TLN2: variants seen among roughly 807,000 people sequenced by gnomAD.
TLN2 encodes the protein talin-2.
A neutral mutation model predicts 294.7 loss-of-function variants in TLN2; 118 were observed. The observed-to-expected ratio is 0.40, with a 90% CI of 0.34 to 0.47. The LOEUF (loss-of-function observed/expected upper bound fraction) is 0.47, where lower values mean the gene tolerates loss of function less well. TLN2 is among the 20% of genes least tolerant of loss of function. TLN2 has a pLI of 0.84. For missense variants in TLN2, 3,083 were observed against 3,282.2 expected (o/e 0.94, Z 1.48); for synonymous variants, 1,431 against 1,304.5 (o/e 1.10, Z -2.09).
In TLN2 at chr15:62,842,703, G is replaced by A. The variant is rs1498129; in HGVS notation, c.*2093G>A. On this transcript the variant is annotated 3_prime_UTR_variant, in exon 59 of 59. Transcript: ENST00000636159. ...CTTTACTGCATTTGATACCAGAAAA[G>A]CCTCCAGAGACAAACCAAATGCAAA... 0.33 allele frequency: 50,302 copies of A among 152,014 alleles called. 11,085 individuals carry two copies. The highest frequency in any genetic ancestry group is 0.62 in the African/African-American group (25,853 of 41,442). The allele number at this position is 152,014 out of a possible 1,614,324, so 9.4% of individuals were successfully genotyped here.
At chr15:62,770,927 A>T (rs767225792) in intron 41 of TLN2, 37 bp from the exon 42 acceptor site, 2 of 1,582,398 alleles carry the variant, frequency 1.3e-6, no homozygotes, top group South Asian at 1.1e-5. Context: ...GTGTATTTAC[A>T]TGATACATCT....
At chr15:62,435,985 G>A (rs199671018) in intron 1 of TLN2, among the ~76,000 whole-genome samples, 1 of 152,104 alleles carries the variant, frequency 6.6e-6, no homozygotes, top group East Asian at 1.9e-4. Context: ...TTTGGATTTT[G>A]TATCATGCTC....
chr15:62,778,647 T>A (rs1405107242), intron 43 of TLN2, among the ~76,000 whole-genome samples: 1 of 152,218 alleles, frequency 6.6e-6, no homozygotes, highest in Non-Finnish European at 1.5e-5. Context: ...CTGCCATTAG[T>A]GGTATAGCCT....
intron 52 of TLN2, 49 bp from the exon 53 acceptor site, chr15:62,819,467 C>T (rs1174686835): frequency 1.3e-6 from 2 of 1,481,892 alleles, no homozygotes; most frequent in Non-Finnish European, 1.9e-6. Flanking sequence ...CTTTCCTGTC[C>T]CAGTGGTTAC....
chr15:62,457,444 A>G (rs2140332594), intron 1 of TLN2, among the ~76,000 whole-genome samples: 1 of 152,330 alleles, frequency 6.6e-6, no homozygotes, highest in Admixed American at 6.5e-5. Context: ...GACATGATTG[A>G]GTTCATAGCA....
At chr15:62,502,092 A>G (rs1174956676) in intron 1 of TLN2, among the ~76,000 whole-genome samples, 2 of 152,216 alleles carry the variant, frequency 1.3e-5, no homozygotes, top group African/African-American at 4.8e-5. Context: ...CTTTAAGAAT[A>G]TGCCTGTGTA....
chr15:62,724,476 A>G (rs974176295), intron 26 of TLN2, among the ~76,000 whole-genome samples: 2 of 152,230 alleles, frequency 1.3e-5, no homozygotes, highest in African/African-American at 4.8e-5. Flanking sequence ...ATAAATTACT[A>G]AGGGAAAAAT....
intron 1 of TLN2, among the ~76,000 whole-genome samples, chr15:62,535,184 C>A (rs2041265650): frequency 6.6e-6 from 1 of 152,196 alleles, no homozygotes. Flanking sequence ...TGCTGTTATT[C>A]TTCCTACTGT....
intron 1 of TLN2, among the ~76,000 whole-genome samples, chr15:62,399,713 G>A (rs1309857910): frequency 6.6e-6 from 1 of 152,200 alleles, no homozygotes; most frequent in Non-Finnish European, 1.5e-5. Context: ...GGGGCCTGGA[G>A]CCCCTTTATT....
At chr15:62,723,014 C>T (rs1464871073) in intron 26 of TLN2, among the ~76,000 whole-genome samples, 2 of 152,344 alleles carry the variant, frequency 1.3e-5, no homozygotes, top group Admixed American at 1.3e-4. Context: ...GAGTTGAGGA[C>T]TAAATTTCTG....
At chr15:62,611,554 C>T (rs1259809905) in intron 2 of TLN2, among the ~76,000 whole-genome samples, 1 of 152,194 alleles carries the variant, frequency 6.6e-6, no homozygotes, top group African/African-American at 2.4e-5. Context: ...AAGTGGTTGC[C>T]CAGCCTCTCT....
chr15:62,816,695 A>G (rs537896428), intron 52 of TLN2, among the ~76,000 whole-genome samples: 1 of 152,308 alleles, frequency 6.6e-6, no homozygotes, highest in South Asian at 2.1e-4. Context: ...GTCTTTTGCC[A>G]TTAATTATGA....
At chr15:62,677,936 C>T (rs577754830) in intron 11 of TLN2, among the ~76,000 whole-genome samples, 80 of 151,218 alleles carry the variant, frequency 5.3e-4, no homozygotes, top group Admixed American at 4.4e-3. Flanking sequence ...GCTAGGGTTA[C>T]AGGCATGCAC....
intron 9 of TLN2, among the ~76,000 whole-genome samples, chr15:62,673,605 C>A (rs773663706): frequency 7.8e-6 from 1 of 128,516 alleles, no homozygotes; most frequent in Non-Finnish European, 1.7e-5. Context: ...CCTGGAATTT[C>A]TTTTTTCTTT....
At position 62,673,310 on chromosome 15, in the gene TLN2, CTT is replaced by C. The variant is rs56258541; in HGVS notation, c.789-500_789-499del. ...GTTTGCTTTAGATTTTTAGATGTTGCTTTTTTTTTTTTTTTTTTGCAATTTCA... is the reference window on the plus strand; with the variant it reads ...GTTTGCTTTAGATTTTTAGATGTTGCTTTTTTTTTTTTTTTTGCAATTTCA... On this transcript the variant is annotated intron_variant, in intron 9 of 58. Coordinates refer to ENST00000636159, the MANE Select transcript of TLN2 (RefSeq NM_015059.3). 6.9e-3 allele frequency among the ~76,000 whole-genome samples: 294 copies of C among 42,910 alleles called. 10 individuals are homozygous for C. The highest frequency in any genetic ancestry group is 0.012 in the Admixed American group (24 of 2,076). The allele number at this position is 42,910 out of a possible 152,430, so 28.2% of individuals were successfully genotyped here. A position where few individuals can be genotyped will look rare whatever the true frequency, so the allele number is the denominator to read the frequency against.
chr15:62,786,306 A>C (rs956157469), intron 45 of TLN2, among the ~76,000 whole-genome samples: 2 of 152,238 alleles, frequency 1.3e-5, no homozygotes, highest in African/African-American at 2.4e-5. Flanking sequence ...GCAGTCCGCT[A>C]TGCAAGGTCA....
rs577774949 is a variant in TLN2 at position 62,490,381 on chromosome 15, C to T, written c.-237-99306C>T. Among the ~76,000 whole-genome samples the T allele has an allele frequency of 2.4e-4, 36 of 152,242 alleles. 1 individual carries two copies. Among genetic ancestry groups the T allele is most frequent in the South Asian group, 1.0e-3 (5 of 4,820 alleles). ...TTATCTCTATGTGACTTGGGATACA[C>T]GTTTGTCTCTATCCTCAGAGGAATT... is the stretch of plus-strand genomic sequence containing the variant. On this transcript the variant is annotated intron_variant, in intron 1 of 58. Transcript: ENST00000636159.
intron 1 of TLN2, among the ~76,000 whole-genome samples, chr15:62,509,371 G>A (rs991334127): frequency 6.6e-6 from 1 of 152,156 alleles, no homozygotes; most frequent in Non-Finnish European, 1.5e-5. Context: ...AGCATTTGTT[G>A]CGAGTGATTC....
At chr15:62,839,223 GC>G (rs2070279383) in intron 58 of TLN2, among the ~76,000 whole-genome samples, 2 of 152,172 alleles carry the variant, frequency 1.3e-5, no homozygotes, top group Non-Finnish European at 2.9e-5. Flanking sequence ...TTTCCATGTG[GC>G]AGGAAGAGGG....
Sources: allele counts gnomAD v4.1 joint callset (sites outside exome capture counted in the v4.1 genomes callset), GRCh38; gene constraint gnomAD v4.1.1; transcripts MANE v1.5; gene names NCBI Gene and HGNC (gene_info 2026-07-23, HGNC 2026-07-21).